DNAAF11: variants seen among roughly 807,000 people sequenced by gnomAD.
DNAAF11 encodes the protein dynein axonemal assembly factor 11.
A neutral mutation model predicts 60.8 loss-of-function variants in DNAAF11; 45 were observed. The ratio of observed to expected loss-of-function variants is 0.74; its 90% CI spans 0.58 to 0.95. The LOEUF is 0.95. Among genes scored for constraint, DNAAF11 ranks in the 40% least tolerant of loss-of-function variants. DNAAF11 has a pLI of 0.00. For missense variants in DNAAF11, 546 were observed against 546.2 expected, an observed-to-expected ratio of 1.00 and a Z score of 0.00; for synonymous variants, 191 against 183.5, an observed-to-expected ratio of 1.04 and a Z score of -0.33.
chr8:132,587,504 T>G (rs953954796), intron 10 of DNAAF11, among the ~76,000 whole-genome samples: 1 of 152,164 alleles, frequency 6.6e-6, no homozygotes, highest in African/African-American at 2.4e-5. Flanking sequence ...GGTTCAGTGT[T>G]CCAAGGTTTT....
At chr8:132,611,892 A>G (rs769432184) in intron 8 of DNAAF11, among the ~76,000 whole-genome samples, 3 of 152,214 alleles carry the variant, frequency 2.0e-5, no homozygotes, top group Admixed American at 6.5e-5. Context: ...CCCCAAGATC[A>G]GGTGGCAATT....
At chr8:132,664,888 C>T (rs768308083) in intron 1 of DNAAF11, among the ~76,000 whole-genome samples, 5 of 152,014 alleles carry the variant, frequency 3.3e-5, no homozygotes, top group Admixed American at 6.6e-5. Context: ...ATCTTCTAAC[C>T]ATGAGAATTA....
intron 8 of DNAAF11, among the ~76,000 whole-genome samples, chr8:132,612,132 C>G (rs1374511264): frequency 1.3e-5 from 2 of 152,146 alleles, no homozygotes; most frequent in African/African-American, 4.8e-5. Context: ...CCATGCCTTC[C>G]TGCTTTATTA....
chr8:132,657,424 A>G (rs80116895), intron 2 of DNAAF11, among the ~76,000 whole-genome samples: 2,893 of 152,340 alleles, frequency 0.019, 104 homozygotes, highest in African/African-American at 0.066. Flanking sequence ...TAAGGGAAAC[A>G]GCTGCAGGAC....
At chr8:132,582,494 C>T (rs993119057) in intron 11 of DNAAF11, among the ~76,000 whole-genome samples, 1 of 152,262 alleles carries the variant, frequency 6.6e-6, no homozygotes, top group South Asian at 2.1e-4. Context: ...TGTGTTGATG[C>T]TGCTGGGGGT....
At chr8:132,673,993 C>A (rs759214828) in intron 1 of DNAAF11, among the ~76,000 whole-genome samples, 1 of 149,608 alleles carries the variant, frequency 6.7e-6, no homozygotes, top group Non-Finnish European at 1.5e-5. Flanking sequence ...CATAAAAAAG[C>A]GAAGAAGAAG....
Position 132,572,100 on chromosome 8 carries a change from A to C in DNAAF11, c.*206T>G, listed in dbSNP as rs1342852001. 3 of 422,974 alleles carry C rather than the reference A, an allele frequency of 7.1e-6. No individual in the cohort carries two copies. The highest frequency in any genetic ancestry group is 4.2e-5 in the Admixed American group (1 of 23,926). 26.2% of individuals were successfully genotyped at this position (422,974 alleles called of 1,614,324 possible). A position where few individuals can be genotyped will look rare whatever the true frequency, so the allele number is the denominator to read the frequency against. On this transcript the variant is annotated 3_prime_UTR_variant, in exon 12 of 12. Transcript: ENST00000620350. ...TCAATACCAACCCTTTATTATAGGTAAATGATGAGTTATAGCATTTAAGAC... is the reference window on the plus strand; with the variant it reads ...TCAATACCAACCCTTTATTATAGGTCAATGATGAGTTATAGCATTTAAGAC...
chr8:132,675,576 G>A (rs1338485066), upstream of DNAAF11: 20 of 1,390,140 alleles, frequency 1.4e-5, no homozygotes, highest in Non-Finnish European at 1.8e-5. Context: ...GCTCCTCAGC[G>A]CGTCCCCGTC....
chr8:132,668,737 C>T (rs1358677901), intron 1 of DNAAF11, among the ~76,000 whole-genome samples: 2 of 152,126 alleles, frequency 1.3e-5, no homozygotes, highest in African/African-American at 2.4e-5. Flanking sequence ...CCACCGCGCC[C>T]GGCCCTGAGC....
intron 10 of DNAAF11, among the ~76,000 whole-genome samples, chr8:132,591,256 T>C (rs1255301797): frequency 6.6e-6 from 1 of 152,088 alleles, no homozygotes; most frequent in Non-Finnish European, 1.5e-5. Flanking sequence ...AAAAACTTTT[T>C]TTTTAAATAG....
chr8:132,603,208 T>C (rs573038537), intron 10 of DNAAF11, among the ~76,000 whole-genome samples: 1 of 152,318 alleles, frequency 6.6e-6, no homozygotes, highest in Admixed American at 6.5e-5. Context: ...AGTGTGATTG[T>C]TGTTCCTTGT....
Position 132,632,777 on chromosome 8 carries a change from A to G in DNAAF11, c.616T>C (p.Phe206Leu). The G allele has an allele frequency of 1.2e-6, 2 of 1,613,626 alleles. No homozygotes were observed. Among genetic ancestry groups the G allele is most frequent in the Non-Finnish European group, 1.7e-6 (2 of 1,179,550 alleles). Reference sequence around the variant, plus strand: ...ATGTCTGTGTACCAACGTCCATCAAAGCCTGCGTTACTTCTCTTGTCTTCA... The same window carrying G: ...ATGTCTGTGTACCAACGTCCATCAAGGCCTGCGTTACTTCTCTTGTCTTCA... Reference protein sequence around the residue: ...KNEDKRSNAGFDGRWYTDINA... With the variant: ...KNEDKRSNAGLDGRWYTDINA... The change falls in exon 5 of 12, where the codon TTT becomes CTT. Residue 206 changes from phenylalanine (F) to leucine (L), a missense_variant. Coordinates refer to ENST00000620350, the MANE Select transcript of DNAAF11 (RefSeq NM_012472.6).
chr8:132,701,246 T>C, the DNAAF11 span, among the ~76,000 whole-genome samples: 1 of 152,186 alleles, frequency 6.6e-6, no homozygotes, highest in Admixed American at 6.5e-5. Flanking sequence ...CAACAAATGT[T>C]CACTACAAAT....
chr8:132,663,828 C>T (rs1413497971), intron 1 of DNAAF11, among the ~76,000 whole-genome samples: 1 of 152,184 alleles, frequency 6.6e-6, no homozygotes, highest in African/African-American at 2.4e-5. Flanking sequence ...ACCATGACAT[C>T]AGGTACATAT....
chr8:132,617,319 C>T (rs1467383763), intron 7 of DNAAF11, among the ~76,000 whole-genome samples: 4 of 152,094 alleles, frequency 2.6e-5, no homozygotes, highest in Admixed American at 2.6e-4. Flanking sequence ...AAGGATCTGT[C>T]AAAGCTTAGG....
At chr8:132,691,422 C>T in the DNAAF11 span, among the ~76,000 whole-genome samples, 1 of 152,078 alleles carries the variant, frequency 6.6e-6, no homozygotes, top group Admixed American at 6.5e-5. Context: ...TTTCATATCT[C>T]CAGTCCTAGA....
chr8:132,656,802 A>C, intron 3 of DNAAF11, 28 bp downstream of exon 3: 1 of 987,594 alleles, frequency 1.0e-6, no homozygotes, highest in Non-Finnish European at 1.6e-6. Flanking sequence ...TTTAATTCAT[A>C]ATAGCATAAT....
At chr8:132,689,288 T>A in the DNAAF11 span, among the ~76,000 whole-genome samples, 1 of 152,208 alleles carries the variant, frequency 6.6e-6, no homozygotes, top group Admixed American at 6.5e-5. Context: ...TACTTACGAA[T>A]GTCAGCTGCC....
intron 3 of DNAAF11, among the ~76,000 whole-genome samples, chr8:132,645,118 C>T (rs978970673): frequency 1.6e-4 from 24 of 152,184 alleles, no homozygotes; most frequent in African/African-American, 5.8e-4. Context: ...CAGCCAAGTG[C>T]CCCTCTGAGA....
Sources: gnomAD v4.1 joint callset for allele counts (sites outside exome capture counted in the v4.1 genomes callset) on GRCh38, gnomAD v4.1.1 for gene constraint, MANE v1.5 for transcripts, NCBI Gene and HGNC (gene_info 2026-07-23, HGNC 2026-07-21) for gene names.